Variants in LINGO2 observed in about 807,000 individuals in gnomAD.
The protein encoded by LINGO2 is leucine rich repeat and Ig domain containing 2, also known as leucine-rich repeat and immunoglobulin-like domain-containing nogo receptor-interacting protein 2.
In LINGO2, 14 loss-of-function variants were observed where a neutral mutation model predicts 30.6. The observed-to-expected ratio is 0.46, with a 90% CI of 0.30 to 0.72. The LOEUF is 0.72. LINGO2 is among the 30% of genes least tolerant of loss of function. The pLI is 0.07. For synonymous variants in LINGO2, 317 were observed against 288.5 expected (o/e 1.10, Z -1.00); for missense variants, 729 against 751.7 (o/e 0.97, Z 0.35).
At chr9:28,303,941 G>A (rs1158271047) in intron 3 of LINGO2, among the ~76,000 whole-genome samples, 2 of 152,018 alleles carry the variant, frequency 1.3e-5, no homozygotes, top group Admixed American at 6.6e-5. Context: ...TCAAACCTGT[G>A]TTGTTTAAGG....
the LINGO2 span, among the ~76,000 whole-genome samples, chr9:29,080,468 T>C: frequency 3.9e-5 from 6 of 152,160 alleles, no homozygotes; most frequent in African/African-American, 1.4e-4. Context: ...ATCTTAGTTA[T>C]TTCTTGCCTT....
the LINGO2 span, among the ~76,000 whole-genome samples, chr9:28,922,905 A>G: frequency 1.3e-5 from 2 of 152,192 alleles, no homozygotes; most frequent in African/African-American, 4.8e-5. Context: ...TGGACTATGC[A>G]GGTGGACCCT....
chr9:29,070,326 A>C, the LINGO2 span, among the ~76,000 whole-genome samples: 1 of 152,112 alleles, frequency 6.6e-6, no homozygotes, highest in African/African-American at 2.4e-5. Context: ...TCATGACGGA[A>C]TTGGGTGGAA....
intron 1 of LINGO2, among the ~76,000 whole-genome samples, chr9:28,635,809 GTTTT>G (rs984602851): frequency 2.6e-5 from 4 of 151,838 alleles, no homozygotes; most frequent in Non-Finnish European, 5.9e-5. Flanking sequence ...GAGTTCAGAG[GTTTT>G]TTGTTTGTCT....
At chr9:28,327,928 A>G (rs1479374376) in intron 3 of LINGO2, among the ~76,000 whole-genome samples, 1 of 152,138 alleles carries the variant, frequency 6.6e-6, no homozygotes, top group Non-Finnish European at 1.5e-5. Context: ...GGAAGGAAGG[A>G]AAGAAAAAAA....
chr9:28,173,035 A>C (rs1316946444), intron 4 of LINGO2, among the ~76,000 whole-genome samples: 2 of 152,124 alleles, frequency 1.3e-5, no homozygotes, highest in South Asian at 2.1e-4. Context: ...AACTGTCTTA[A>C]AATTGTGTAA....
chr9:28,105,867 T>A (rs943430024), intron 4 of LINGO2, among the ~76,000 whole-genome samples: 1 of 152,150 alleles, frequency 6.6e-6, no homozygotes, highest in African/African-American at 2.4e-5. Flanking sequence ...CTCGGATTTC[T>A]GGCCTATGGA....
chr9:28,413,045 C>A (rs544694341), intron 2 of LINGO2, among the ~76,000 whole-genome samples: 6 of 152,034 alleles, frequency 3.9e-5, no homozygotes, highest in African/African-American at 1.4e-4. Flanking sequence ...TAAAATATTT[C>A]TTTTTTCTTG....
chr9:28,556,893 G>A (rs538119630), intron 1 of LINGO2, among the ~76,000 whole-genome samples: 1 of 152,210 alleles, frequency 6.6e-6, no homozygotes, highest in South Asian at 2.1e-4. Flanking sequence ...ACAAGCAATG[G>A]GGAAAGGATT....
Position 28,268,465 on chromosome 9 carries a change from C to T in LINGO2, c.-87+26743G>A, listed in dbSNP as rs186298907. ...CACCATCCAGGTTTTCAGGTAATTG[C>T]ATTTATTGATTCAGGTGGTCTCATA... is the stretch of plus-strand genomic sequence containing the variant. On this transcript the variant is annotated intron_variant, in intron 4 of 5. Coordinates refer to ENST00000379992, the Ensembl canonical transcript of LINGO2. Among the ~76,000 whole-genome samples, 8 of 152,074 alleles carry T rather than the reference C, an allele frequency of 5.3e-5. No individual in the cohort carries two copies. In the East Asian group the frequency reaches 1.4e-3, roughly 26 times the overall value.
the LINGO2 span, chr9:27,942,234 T>G: frequency 6.6e-6 from 1 of 152,194 alleles, no homozygotes. Context: ...TTGAATGAGA[T>G]TCCACTGGAC....
chr9:28,331,409 A>T (rs1033627704), intron 3 of LINGO2, among the ~76,000 whole-genome samples: 3 of 152,178 alleles, frequency 2.0e-5, no homozygotes, highest in African/African-American at 7.2e-5. Context: ...CACTTCTAGA[A>T]ACTGGGCCCT....
chr9:28,993,104 T>G, the LINGO2 span, among the ~76,000 whole-genome samples: 1 of 151,884 alleles, frequency 6.6e-6, no homozygotes, highest in South Asian at 2.1e-4. Flanking sequence ...ATAAACAAAA[T>G]TGACAGACCG....
At chr9:28,664,266 ACTG>A (rs1345965992) in intron 1 of LINGO2, among the ~76,000 whole-genome samples, 1 of 152,102 alleles carries the variant, frequency 6.6e-6, no homozygotes, top group Non-Finnish European at 1.5e-5. Flanking sequence ...AGCCCACAGT[ACTG>A]CTTTTTTTGT....
intron 4 of LINGO2, among the ~76,000 whole-genome samples, chr9:28,083,467 C>G (rs1179600631): frequency 6.6e-6 from 1 of 152,120 alleles, no homozygotes; most frequent in Non-Finnish European, 1.5e-5. Flanking sequence ...AATAGGTTGA[C>G]TATTATGGAT....
chr9:28,916,839 A>G, the LINGO2 span, among the ~76,000 whole-genome samples: 1 of 152,216 alleles, frequency 6.6e-6, no homozygotes, highest in Admixed American at 6.5e-5. Flanking sequence ...AAATAGGTGT[A>G]TATTCTACAC....
the LINGO2 span, among the ~76,000 whole-genome samples, chr9:28,797,995 G>A: frequency 6.6e-6 from 1 of 152,056 alleles, no homozygotes. Context: ...CTAGCTGACA[G>A]TTCAATTAAA....
At chr9:28,095,871 C>T (rs766661645) in intron 4 of LINGO2, among the ~76,000 whole-genome samples, 1 of 151,996 alleles carries the variant, frequency 6.6e-6, no homozygotes, top group Non-Finnish European at 1.5e-5. Context: ...AAGAAAAAAA[C>T]AAACAACCCC....
rs563125758 is a variant in LINGO2, at chr9:28,029,877, A to T, written c.-86-17472T>A. Among the ~76,000 whole-genome samples the T allele has an allele frequency of 4.6e-5, 7 of 152,288 alleles. No homozygotes were observed. In the South Asian group the frequency reaches 1.5e-3, roughly 32 times the overall value. On this transcript the variant is annotated intron_variant, in intron 4 of 5. Transcript: ENST00000379992. ...TTTGAAAGCATTTGTTGGTTGGATCAAGGTTATAGGTCAGAAAGGCACAAT... is the reference window on the plus strand; with the variant it reads ...TTTGAAAGCATTTGTTGGTTGGATCTAGGTTATAGGTCAGAAAGGCACAAT...
Sources: gnomAD v4.1 joint callset for allele counts (sites outside exome capture counted in the v4.1 genomes callset) on GRCh38, gnomAD v4.1.1 for gene constraint, MANE v1.5 for transcripts, NCBI Gene and HGNC (gene_info 2026-07-23, HGNC 2026-07-21) for gene names.